SPECC1: variants seen among roughly 807,000 people sequenced by gnomAD.
SPECC1 encodes the protein cytospin-B.
Under a neutral mutation model 104.1 loss-of-function variants are expected in SPECC1, and 62 were observed. The observed-to-expected ratio is 0.60, with a 90% CI of 0.49 to 0.74. The LOEUF is 0.74. SPECC1 is among the 30% of genes least tolerant of loss of function. SPECC1 has a pLI of 0.00. For synonymous variants in SPECC1, 513 were observed against 501.6 expected (o/e 1.02, Z -0.30); for missense variants, 1,306 against 1,310.5 (o/e 1.00, Z 0.05).
At position 20,096,699 on chromosome 17, in the gene SPECC1, C is replaced by A. The variant is rs757259612; in HGVS notation, c.48C>A (p.Gly16=). 1.2e-5 allele frequency: 20 copies of A among 1,614,198 alleles called. No individual in the cohort carries two copies. In the Middle Eastern group the frequency reaches 9.9e-4, roughly 80 times the overall value. ...GGAACCCAGCCATCAGAGCAGGGGG[C>A]CACGGCCCAGACCGGGTGCGGCCTC... ...KPWNPAIRAG[G]HGPDRVRPLP... is the part of the protein sequence containing the mutation. Residue 16 remains glycine (G), a synonymous_variant, in exon 2 of 15, where the codon GGC becomes GGA. Coordinates refer to ENST00000395527, the MANE Select transcript of SPECC1 (RefSeq NM_001243439.2).
chr17:20,084,985 G>T (rs978818290), intron 1 of SPECC1, among the ~76,000 whole-genome samples: 1 of 152,240 alleles, frequency 6.6e-6, no homozygotes, highest in Admixed American at 6.5e-5. Context: ...GCAGGTCTGT[G>T]CCCAGACAAG....
chr17:20,264,433 C>T (rs1567592031), intron 12 of SPECC1, among the ~76,000 whole-genome samples: 2 of 144,770 alleles, frequency 1.4e-5, no homozygotes, highest in Admixed American at 1.4e-4. Flanking sequence ...TTGTTGCCAT[C>T]CATGTGGCTT....
At chr17:20,046,174 G>A (rs1180143196) in intron 1 of SPECC1, among the ~76,000 whole-genome samples, 1 of 151,960 alleles carries the variant, frequency 6.6e-6, no homozygotes, top group African/African-American at 2.4e-5. Context: ...CTTGAACTCT[G>A]GTCTCAAGTG....
At chr17:20,052,910 C>T (rs1597620040) in intron 1 of SPECC1, among the ~76,000 whole-genome samples, 1 of 152,182 alleles carries the variant, frequency 6.6e-6, no homozygotes, top group East Asian at 1.9e-4. Context: ...CTAACACACA[C>T]AGTTTGTTAC....
chr17:20,224,949 T>C (rs1293014347), intron 4 of SPECC1, among the ~76,000 whole-genome samples: 2 of 152,168 alleles, frequency 1.3e-5, no homozygotes, highest in Admixed American at 6.5e-5. Context: ...TGATGAGTAC[T>C]GTGTGGGTAC....
At position 20,227,516 on chromosome 17, in the gene SPECC1, C is replaced by T; in HGVS notation, c.1967C>T (p.Ala656Val). The change falls in exon 5 of 15, where the codon GCA becomes GTA. Residue 656 changes from alanine to valine, a missense_variant. Physicochemically the swap from Ala to Val is moderately conservative, Grantham distance 64. Transcript: ENST00000395527. Reference sequence around the variant, plus strand: ...CAAGAAAAAGCATCAGAGAGTGATGCAGAGATCAAAGACATGAAAGAAACC... The same window carrying T: ...CAAGAAAAAGCATCAGAGAGTGATGTAGAGATCAAAGACATGAAAGAAACC... ...KLQEKASESD[A>V]EIKDMKETIF... is the part of the protein sequence containing the mutation. 1 of 1,613,438 alleles carries T rather than the reference C, an allele frequency of 6.2e-7. No homozygotes were observed. The highest frequency in any genetic ancestry group is 8.5e-7 in the Non-Finnish European group (1 of 1,179,812).
chr17:20,226,948 G>A (rs2038250538), intron 4 of SPECC1, among the ~76,000 whole-genome samples: 1 of 152,140 alleles, frequency 6.6e-6, no homozygotes. Context: ...CTGCTCCATA[G>A]CAGATGTGCG....
At chr17:20,301,719 G>A (rs1163523449) in intron 13 of SPECC1, among the ~76,000 whole-genome samples, 1 of 151,944 alleles carries the variant, frequency 6.6e-6, no homozygotes, top group Non-Finnish European at 1.5e-5. Flanking sequence ...TGTTGTTGCT[G>A]TTTTGAGACA....
chr17:20,170,014 C>T (rs541411090), intron 3 of SPECC1, among the ~76,000 whole-genome samples: 1 of 152,326 alleles, frequency 6.6e-6, no homozygotes, highest in South Asian at 2.1e-4. Context: ...TTCCAGGTAT[C>T]CTGAAGACTT....
chr17:20,205,323 C>G lies in SPECC1; in HGVS notation c.1274C>G (p.Ser425Cys). ...LVDEKTILET[S>C]FHQHRERAEQ... ...GATGAAAAGACGATTTTAGAGACAT[C>G]CTTTCATCAGCATCGAGAGAGGGCA... is the stretch of plus-strand genomic sequence containing the variant. The change falls in exon 4 of 15, where the codon TCC becomes TGC. Residue 425 changes from serine (S) to cysteine (C), a missense_variant. By Grantham distance (112) the Ser-to-Cys change is moderately radical. Transcript: ENST00000395527. 6.2e-7 allele frequency: 1 copy of G among 1,614,178 alleles called. No individual in the cohort carries two copies. Among genetic ancestry groups the G allele is most frequent in the Non-Finnish European group, 8.5e-7 (1 of 1,180,048 alleles).
chr17:20,253,643 C>A, intron 10 of SPECC1, 57 bp downstream of exon 10: 2 of 1,501,492 alleles, frequency 1.3e-6, no homozygotes, highest in Non-Finnish European at 9.2e-7. Flanking sequence ...GTTAACTTTT[C>A]TTCATTTCTC....
chr17:20,054,571 G>A (rs997408492), intron 1 of SPECC1, among the ~76,000 whole-genome samples: 2 of 152,128 alleles, frequency 1.3e-5, no homozygotes, highest in African/African-American at 2.4e-5. Flanking sequence ...CTGTTTTTCA[G>A]TTAGACCAAG....
In SPECC1 at chr17:20,228,788, A is replaced by T. The variant is rs186027942; in HGVS notation, c.2071+1168A>T. Among the ~76,000 whole-genome samples, 6 of 152,344 alleles carry T rather than the reference A, an allele frequency of 3.9e-5. No individual in the cohort carries two copies. In the East Asian group the frequency reaches 1.2e-3, roughly 29 times the overall value. On this transcript the variant is annotated intron_variant, in intron 5 of 14. Transcript: ENST00000395527. ...ATTGGGAAAGAAATTTTTAAAAGAG[A>T]TTAAACATTACCTTCTTTGTCCAAA...
intron 1 of SPECC1, among the ~76,000 whole-genome samples, chr17:20,076,023 C>T (rs963437829): frequency 1.3e-5 from 2 of 151,988 alleles, no homozygotes; most frequent in Non-Finnish European, 2.9e-5. Flanking sequence ...CCAGCTACTC[C>T]AGAGGATCAC....
At chr17:20,160,766 C>T (rs1280812653) in intron 3 of SPECC1, among the ~76,000 whole-genome samples, 2 of 152,046 alleles carry the variant, frequency 1.3e-5, no homozygotes, top group African/African-American at 4.8e-5. Context: ...ATATACTATA[C>T]CCTTATTGTT....
chr17:20,261,448 G>A (rs1480294106), intron 12 of SPECC1, among the ~76,000 whole-genome samples: 1 of 146,150 alleles, frequency 6.8e-6, no homozygotes, highest in Admixed American at 7.0e-5. Context: ...CTTGCAGTGA[G>A]CCAAGATTGC....
At chr17:20,024,324 G>T (rs774932216) in intron 1 of SPECC1, among the ~76,000 whole-genome samples, 70 of 152,084 alleles carry the variant, frequency 4.6e-4, no homozygotes, top group South Asian at 1.5e-3. Flanking sequence ...CATTCATCAC[G>T]TCCTTTGTGA....
chr17:20,268,928 G>C (rs1371522848), intron 12 of SPECC1, among the ~76,000 whole-genome samples: 3 of 152,144 alleles, frequency 2.0e-5, no homozygotes, highest in Non-Finnish European at 2.9e-5. Flanking sequence ...AATAAAAGTG[G>C]CTTTCTGAAC....
At chr17:20,082,632 G>C (rs758910544) in intron 1 of SPECC1, among the ~76,000 whole-genome samples, 1 of 151,996 alleles carries the variant, frequency 6.6e-6, no homozygotes, top group Admixed American at 6.5e-5. Flanking sequence ...TATTCACCTT[G>C]TATCTTCACA....
Sources: gnomAD v4.1 joint callset for allele counts (sites outside exome capture counted in the v4.1 genomes callset) on GRCh38, gnomAD v4.1.1 for gene constraint, MANE v1.5 for transcripts, NCBI Gene and HGNC (gene_info 2026-07-23, HGNC 2026-07-21) for gene names.